DYM: variants seen among roughly 807,000 people sequenced by gnomAD.
The protein encoded by DYM is dymeclin.
A neutral mutation model predicts 93.1 loss-of-function variants in DYM; 78 were observed. The observed-to-expected ratio is 0.84, with a 90% confidence interval of 0.70 to 1.01. The LOEUF (loss-of-function observed/expected upper bound fraction) is 1.01. Among genes scored for constraint, DYM ranks in the 50% least tolerant of loss-of-function variants. The pLI, the probability that DYM is intolerant of heterozygous loss-of-function variation, is 0.00. For synonymous variants in DYM, 321 were observed against 319.7 expected (o/e 1.00, Z -0.04); for missense variants, 789 against 845.0 (o/e 0.93, Z 0.82).
At chr18:49,216,941 C>A (rs1278681047) in intron 13 of DYM, among the ~76,000 whole-genome samples, 1 of 152,082 alleles carries the variant, frequency 6.6e-6, no homozygotes, top group Non-Finnish European at 1.5e-5. Flanking sequence ...AGACTTCAGA[C>A]AATCAAAGTA....
intron 8 of DYM, among the ~76,000 whole-genome samples, chr18:49,303,796 A>C (rs1054323337): frequency 5.3e-5 from 8 of 152,236 alleles, no homozygotes; most frequent in Non-Finnish European, 1.5e-5. Flanking sequence ...TACTATGATT[A>C]ATACCAACTT....
At chr18:49,047,773 G>A (rs1039157995) in intron 17 of DYM, among the ~76,000 whole-genome samples, 2 of 152,172 alleles carry the variant, frequency 1.3e-5, no homozygotes, top group Non-Finnish European at 2.9e-5. Flanking sequence ...ATGGAATCAG[G>A]TGTCTAAGAG....
In DYM at chr18:49,231,517, T is replaced by C. The variant is rs921843630; in HGVS notation, c.1461-21802A>G. 6.6e-5 allele frequency among the ~76,000 whole-genome samples: 10 copies of C among 152,374 alleles called. No homozygotes were observed. The East Asian group carries it at 1.2e-3, about 18-fold the overall frequency. ...GCCTCCAAAGGTATGCAGCCACTGC[T>C]GAACAGCTTAAGTTCTCTTAGGTCT... On this transcript the variant is annotated intron_variant, in intron 13 of 17. Transcript: ENST00000675505.
In DYM at chr18:49,434,509, A is replaced by C. The variant is rs562480745; in HGVS notation, c.-53-4062T>G. ...CATTCCAGCCTGGGCAATAAGAGCTAAACTCCATCTCAAAAAAACAAAACA... is the reference window on the plus strand; with the variant it reads ...CATTCCAGCCTGGGCAATAAGAGCTCAACTCCATCTCAAAAAAACAAAACA... On this transcript the variant is annotated intron_variant, in intron 1 of 17. Coordinates refer to ENST00000675505, the MANE Select transcript of DYM (RefSeq NM_001353214.3). 1.6e-3 allele frequency among the ~76,000 whole-genome samples: 250 copies of C among 152,144 alleles called. 1 individual carries two copies. The highest frequency in any genetic ancestry group is 5.5e-3 in the African/African-American group (229 of 41,494).
At chr18:49,281,689 G>A (rs957900730) in intron 10 of DYM, among the ~76,000 whole-genome samples, 8 of 152,040 alleles carry the variant, frequency 5.3e-5, no homozygotes, top group East Asian at 1.9e-4. Context: ...CATTCTCAGC[G>A]AACTATCCCA....
chr18:49,146,552 C>G (rs1189937019), intron 15 of DYM, among the ~76,000 whole-genome samples: 3 of 152,162 alleles, frequency 2.0e-5, no homozygotes, highest in Non-Finnish European at 4.4e-5. Flanking sequence ...ACACCAATAA[C>G]AGACAAACAG....
chr18:49,312,493 A>G lies in DYM; in HGVS notation c.763+19371T>C, dbSNP rs191274567. On this transcript the variant is annotated intron_variant, in intron 8 of 17. Coordinates refer to ENST00000675505, the MANE Select transcript of DYM (RefSeq NM_001353214.3). ...AGCACACACTCCCCAGTCTGAGTCC[A>G]TAAGAGACCCTGGACCCAGCCACAC... Among the ~76,000 whole-genome samples the G allele has an allele frequency of 3.1e-3, 475 of 152,286 alleles. 1 individual carries two copies. Among genetic ancestry groups the G allele is most frequent in the Admixed American group, 6.1e-3 (94 of 15,294 alleles).
At chr18:49,321,084 C>T (rs2062447597) in intron 8 of DYM, 1 of 291,148 alleles carries the variant, frequency 3.4e-6, no homozygotes, top group Non-Finnish European at 6.2e-6. Context: ...AAGTTTTAAC[C>T]ACTTCATTTT....
chr18:49,425,902 G>A (rs1307140168), intron 2 of DYM, among the ~76,000 whole-genome samples: 2 of 152,116 alleles, frequency 1.3e-5, no homozygotes, highest in Middle Eastern at 3.4e-3. Flanking sequence ...AACAACAGGT[G>A]CTGGAGAGGA....
At chr18:49,208,113 G>A (rs2092608988) in intron 14 of DYM, among the ~76,000 whole-genome samples, 2 of 144,694 alleles carry the variant, frequency 1.4e-5, no homozygotes, top group African/African-American at 5.3e-5. Flanking sequence ...GGCCAGGGAG[G>A]CAGAGGTTGC....
intron 15 of DYM, among the ~76,000 whole-genome samples, chr18:49,141,317 C>T (rs1446964925): frequency 1.3e-5 from 2 of 152,158 alleles, no homozygotes; most frequent in Non-Finnish European, 2.9e-5. Flanking sequence ...TTCAAAGGTA[C>T]ATCAGGCCAG....
intron 8 of DYM, among the ~76,000 whole-genome samples, chr18:49,297,994 A>G (rs1221910869): frequency 6.6e-6 from 1 of 152,218 alleles, no homozygotes; most frequent in Non-Finnish European, 1.5e-5. Context: ...ACAGCCAATC[A>G]TGTTATAATG....
At chr18:49,387,730 A>T (rs2068775844) in intron 3 of DYM, among the ~76,000 whole-genome samples, 1 of 152,196 alleles carries the variant, frequency 6.6e-6, no homozygotes, top group Non-Finnish European at 1.5e-5. Flanking sequence ...GTATAATGTA[A>T]ACATAACATT....
chr18:49,132,485 G>C (rs1472838589), intron 15 of DYM, among the ~76,000 whole-genome samples: 1 of 152,038 alleles, frequency 6.6e-6, no homozygotes, highest in Non-Finnish European at 1.5e-5. Flanking sequence ...TGTTAAAAAA[G>C]GAGGTTGGGT....
At chr18:49,100,535 T>C (rs2080028629) in intron 16 of DYM, among the ~76,000 whole-genome samples, 1 of 152,190 alleles carries the variant, frequency 6.6e-6, no homozygotes. Flanking sequence ...TCCAACTAAA[T>C]TCCTTTTTCA....
chr18:49,346,100 C>A (rs2064570451), intron 6 of DYM, among the ~76,000 whole-genome samples: 1 of 152,128 alleles, frequency 6.6e-6, no homozygotes, highest in African/African-American at 2.4e-5. Context: ...TACAGAGTTA[C>A]CATATCACTT....
At chr18:49,080,305 T>C (rs2077771805) in intron 17 of DYM, among the ~76,000 whole-genome samples, 5 of 124,544 alleles carry the variant, frequency 4.0e-5, no homozygotes, top group Non-Finnish European at 8.5e-5. Context: ...GCCCCTCACC[T>C]CCCGGACGGG....
intron 15 of DYM, among the ~76,000 whole-genome samples, chr18:49,157,574 A>G (rs2086608394): frequency 6.6e-6 from 1 of 152,222 alleles, no homozygotes; most frequent in African/African-American, 2.4e-5. Flanking sequence ...GTCACAAGCC[A>G]CAGAACCAGT....
intron 15 of DYM, among the ~76,000 whole-genome samples, chr18:49,128,717 TGTAATTAAAATAGAAAC>T (rs1326782053): frequency 2.0e-5 from 3 of 152,116 alleles, no homozygotes; most frequent in Non-Finnish European, 2.9e-5. Flanking sequence ...AACCAAAAAA[TGTAATTAAAATAGAAAC>T]GTATTCAGGG....
Sources: allele counts gnomAD v4.1 joint callset (sites outside exome capture counted in the v4.1 genomes callset), GRCh38; gene constraint gnomAD v4.1.1; transcripts MANE v1.5; gene names NCBI Gene and HGNC (gene_info 2026-07-23, HGNC 2026-07-21).